HMCN2: variants seen among roughly 807,000 people sequenced by gnomAD.
HMCN2 encodes the protein hemicentin 2.
Under a neutral mutation model 377.5 loss-of-function variants are expected in HMCN2, and 325 were observed. The ratio of observed to expected loss-of-function variants is 0.86; its 90% CI spans 0.79 to 0.94. HMCN2 has a LOEUF of 0.94. Among genes scored for constraint, HMCN2 ranks in the 40% least tolerant of loss-of-function variants. HMCN2 has a pLI of 0.00. For missense variants in HMCN2, 4,543 were observed against 4,725.3 expected (o/e 0.96, Z 1.13); for synonymous variants, 2,007 against 2,046.8 (o/e 0.98, Z 0.53).
chr9:130,265,998 C>T lies in HMCN2; in HGVS notation c.120C>T (p.Ala40=), dbSNP rs1554918779. Residue 40 remains alanine, a synonymous_variant, in exon 1 of 98, where the codon GCC becomes GCT. Coordinates refer to ENST00000683500, the MANE Select transcript of HMCN2 (RefSeq NM_001291815.2). ...MPPTTGDATL[A]FVFDVTGSMW... is the part of the protein sequence containing the mutation. ...CCACCACGGGGGACGCCACCCTGGC[C>T]TTCGTCTTCGACGTCACCGGCTCCA... 1 of 470,202 alleles carries T rather than the reference C, an allele frequency of 2.1e-6. No individual in the cohort carries two copies. Among genetic ancestry groups the T allele is most frequent in the Non-Finnish European group, 4.4e-6 (1 of 226,748 alleles). 29.1% of individuals were successfully genotyped at this position (470,202 alleles called of 1,614,324 possible). A position where few individuals can be genotyped will look rare whatever the true frequency, so the allele number is the denominator to read the frequency against.
rs1038818962 is a variant in HMCN2, at chr9:130,428,803, G to A, written c.14197+314G>A. Among the ~76,000 whole-genome samples the A allele has an allele frequency of 2.6e-5, 4 of 152,192 alleles. No individual in the cohort carries two copies. Among genetic ancestry groups the A allele is most frequent in the African/African-American group, 9.7e-5 (4 of 41,440 alleles). On this transcript the variant is annotated intron_variant, in intron 93 of 97. Transcript: ENST00000683500. This position sits in a 1 kb window ranked among gnomAD's most constrained non-coding sequence, Gnocchi z 5.0. ...ACACATGCTCCCTCTGCTGCCATCCGTTCTGTTCCCCCATATGAATCAAGG... is the reference window on the plus strand; with the variant it reads ...ACACATGCTCCCTCTGCTGCCATCCATTCTGTTCCCCCATATGAATCAAGG...
intron 44 of HMCN2, 34 bp downstream of exon 44, chr9:130,368,471 G>A: frequency 1.0e-6 from 1 of 982,618 alleles, no homozygotes; most frequent in Non-Finnish European, 1.2e-6. Context: ...GAAGGGTCTG[G>A]GATCATGGAC....
chr9:130,425,715 G>T lies in HMCN2; in HGVS notation c.13670G>T (p.Gly4557Val). The T allele has an allele frequency of 6.5e-7, 1 of 1,545,912 alleles. No individual in the cohort carries two copies. The highest frequency in any genetic ancestry group is 8.7e-7 in the Non-Finnish European group (1 of 1,144,400). Residue 4557 changes from glycine (G) to valine (V), a missense_variant, in exon 90 of 98, where the codon GGG (glycine) becomes GTG (valine). Transcript: ENST00000683500. Reference sequence around the variant, plus strand: ...TTTGAGGAGCACTACGTGCAAACAGGGCCTGGCCAGCTGTTCGTGGGCTCC... The same window carrying T: ...TTTGAGGAGCACTACGTGCAAACAGTGCCTGGCCAGCTGTTCGTGGGCTCC... ...QDFEEHYVQT[G>V]PGQLFVGSTQ...
At chr9:130,389,776 T>C (rs1270558926) in intron 62 of HMCN2, among the ~76,000 whole-genome samples, 1 of 152,166 alleles carries the variant, frequency 6.6e-6, no homozygotes, top group Non-Finnish European at 1.5e-5. Context: ...GGTTCCACCA[T>C]GTTGGTCAGG....
In HMCN2 at chr9:130,265,762, A is replaced by T; in HGVS notation, c.-117A>T. The T allele has an allele frequency of 4.5e-6, 1 of 219,986 alleles. No homozygotes were observed. 13.6% of individuals were successfully genotyped at this position (219,986 alleles called of 1,614,324 possible). A position where few individuals can be genotyped will look rare whatever the true frequency, so the allele number is the denominator to read the frequency against. The stretch of plus-strand genomic sequence containing the variant: ...CGCCGCGCGCCCCTATCCCTCGCGC[A>T]CTGGCCGCGGCCCGACGGAGCAAGG... On this transcript the variant is annotated 5_prime_UTR_variant, in exon 1 of 98. Transcript: ENST00000683500.
intron 1 of HMCN2, among the ~76,000 whole-genome samples, chr9:130,283,697 G>T (rs138741013): frequency 2.0e-5 from 3 of 152,100 alleles, no homozygotes; most frequent in Non-Finnish European, 4.4e-5. Flanking sequence ...GCTGTTTTGC[G>T]TCTGGCTTCT....
At position 130,376,003 on chromosome 9, in the gene HMCN2, C is replaced by G. The variant is rs1328778898; in HGVS notation, c.7918+14C>G. ...TGGAAGTGCTCAGTGAGTCGGGGACCCTGGGGCACAGCCGGGTGGGCAGAA... is the reference window on the plus strand; with the variant it reads ...TGGAAGTGCTCAGTGAGTCGGGGACGCTGGGGCACAGCCGGGTGGGCAGAA... On this transcript the variant is annotated intron_variant, in intron 51 of 97. Coordinates refer to ENST00000683500, the MANE Select transcript of HMCN2 (RefSeq NM_001291815.2). 7 of 981,306 alleles carry G rather than the reference C, an allele frequency of 7.1e-6. No individual in the cohort carries two copies. The highest frequency in any genetic ancestry group is 3.5e-5 in the African/African-American group (2 of 57,242). The allele number at this position is 981,306 out of a possible 1,614,324, so 60.8% of individuals were successfully genotyped here.
At position 130,377,656 on chromosome 9, in the gene HMCN2, C is replaced by G. The variant is rs1841465533; in HGVS notation, c.8069C>G (p.Thr2690Ser). The change falls in exon 53 of 98, where the codon ACC (threonine) becomes AGC (serine). Residue 2690 changes from threonine (T) to serine (S), a missense_variant. Physicochemically the swap from Thr to Ser is moderately conservative, Grantham distance 58. This residue lies in a region of HMCN2 where 736 missense variants were observed against 773.2 expected (regional missense o/e 0.95). Coordinates refer to ENST00000683500, the MANE Select transcript of HMCN2 (RefSeq NM_001291815.2). ...IRWYKDGQPV[T>S]PSSRLQVLGE... is the part of the protein sequence containing the mutation. ...CCCTCATCCTCCTCACAGCCCGTGA[C>G]CCCCAGCTCGCGGCTGCAGGTCCTG... 11 of 985,954 alleles carry G rather than the reference C, an allele frequency of 1.1e-5. No homozygotes were observed. Among genetic ancestry groups the G allele is most frequent in the Non-Finnish European group, 1.3e-5 (11 of 829,966 alleles). The allele number at this position is 985,954 out of a possible 1,614,324, so 61.1% of individuals were successfully genotyped here. A position where few individuals can be genotyped will look rare whatever the true frequency, so the allele number is the denominator to read the frequency against.
rs139041730 is a variant in HMCN2 at position 130,360,167 on chromosome 9, G to T, written c.5774-261G>T. On this transcript the variant is annotated intron_variant, in intron 37 of 97. Coordinates refer to ENST00000683500, the MANE Select transcript of HMCN2 (RefSeq NM_001291815.2). This position sits in a 1 kb window ranked among gnomAD's most constrained non-coding sequence, Gnocchi z 4.7. ...GGCAACATTGCCCGGTTCCATCCCG[G>T]TTCCCTTTCCTGAATGAAGAACTCT... Among the ~76,000 whole-genome samples the T allele has an allele frequency of 0.014, 2,119 of 152,214 alleles. 47 individuals carry two copies. The highest frequency in any genetic ancestry group is 0.048 in the African/African-American group (2,000 of 41,510).
chr9:130,414,378 G>C lies in HMCN2; in HGVS notation c.12961+3726G>C, dbSNP rs1843579405. Among the ~76,000 whole-genome samples the C allele has an allele frequency of 6.6e-6, 1 of 152,156 alleles. No individual in the cohort carries two copies. Among genetic ancestry groups the C allele is most frequent in the Non-Finnish European group, 1.5e-5 (1 of 68,032 alleles). ...CCATGGAAGCCTCATAGGGAACCTG[G>C]GCTTCCACGCTGACCTGGCGGAAGT... On this transcript the variant is annotated intron_variant, in intron 85 of 97. Transcript: ENST00000683500. This position sits in a 1 kb window ranked among gnomAD's most constrained non-coding sequence, Gnocchi z 4.4.
In HMCN2 at chr9:130,295,185, C is replaced by T. The variant is rs764044814; in HGVS notation, c.784+159C>T. Among the ~76,000 whole-genome samples, 8 of 152,092 alleles carry T rather than the reference C, an allele frequency of 5.3e-5. No homozygotes were observed. The East Asian group carries it at 7.7e-4, about 15-fold the overall frequency. The stretch of plus-strand genomic sequence containing the variant: ...GGGGGGACACGAAGTGGAGAGAGGG[C>T]GCCCATGGTGTGCGAGGAAGCAGGA... On this transcript the variant is annotated intron_variant, in intron 5 of 97. Transcript: ENST00000683500.
chr9:130,402,979 G>A (rs1056536316), intron 78 of HMCN2, 83 bp downstream of exon 78: 3 of 1,120,930 alleles, frequency 2.7e-6, no homozygotes, highest in Non-Finnish European at 3.5e-6. Flanking sequence ...GCTCAGGATG[G>A]AGGTGAGGCC....
In HMCN2 at chr9:130,357,946, G is replaced by A; in HGVS notation, c.5538G>A (p.Trp1846Ter). Residue 1846 changes from tryptophan (W) to a stop codon, truncating the protein, a stop_gained, in exon 35 of 98, where the codon TGG becomes TGA. Transcript: ENST00000683500. LOFTEE classifies it high-confidence loss of function. ...TGCCCACCCCAAGCCTCCGTTGGTG[G>A]AAGGATGGTGTAGCCCTGGCAGCCT... The part of the protein sequence containing the change: ...DGVPTPSLRW[W>*]KDGVALAAFG... The A allele has an allele frequency of 7.7e-7, 1 of 1,304,198 alleles. No individual in the cohort carries two copies. Among genetic ancestry groups the A allele is most frequent in the Non-Finnish European group, 1.0e-6 (1 of 988,922 alleles). 80.8% of individuals were successfully genotyped at this position (1,304,198 alleles called of 1,614,324 possible).
chr9:130,331,830 C>A (rs1215253031), intron 22 of HMCN2, among the ~76,000 whole-genome samples: 1 of 152,176 alleles, frequency 6.6e-6, no homozygotes, highest in East Asian at 1.9e-4. Flanking sequence ...AGGCAGCCGG[C>A]CAGCATTCCA....
chr9:130,409,715 G>A (rs1588416860), intron 84 of HMCN2, among the ~76,000 whole-genome samples: 2 of 152,176 alleles, frequency 1.3e-5, no homozygotes, highest in Admixed American at 1.3e-4. Flanking sequence ...TTACAGAAGG[G>A]GTAACTGAGG....
chr9:130,334,226 A>T (rs1477466292), intron 22 of HMCN2, among the ~76,000 whole-genome samples: 1 of 152,142 alleles, frequency 6.6e-6, no homozygotes, highest in East Asian at 1.9e-4. Flanking sequence ...CCATGCAGGG[A>T]TGCAGGGGAG....
Position 130,360,582 on chromosome 9 carries a change from G to A in HMCN2, c.5928G>A (p.Leu1976=). ...CCAATGTGGCAGGTAGCACAGAGCT[G>A]CGGTATGGCCTACGGGTCAATGGTG... is the stretch of plus-strand genomic sequence containing the variant. The part of the protein sequence containing the change: ...VASNVAGSTE[L]RYGLRVNVPP... The change falls in exon 38 of 98, where the codon CTG becomes CTA. Residue 1976 remains leucine, a synonymous_variant. Coordinates refer to ENST00000683500, the MANE Select transcript of HMCN2 (RefSeq NM_001291815.2). The surrounding 1 kb of genome is among the most constrained non-coding windows in gnomAD (Gnocchi z 4.7). 1 of 1,303,008 alleles carries A rather than the reference G, an allele frequency of 7.7e-7. No homozygotes were observed. The highest frequency in any genetic ancestry group is 5.6e-5 in the East Asian group (1 of 18,002). 80.7% of individuals were successfully genotyped at this position (1,303,008 alleles called of 1,614,324 possible).
Position 130,430,599 on chromosome 9 carries a change from G to T in HMCN2, c.14642G>T (p.Cys4881Phe). ...GGTTTCATCAGGCAGAACGGAGTCT[G>T]CACAGGTAAGGCCAGGCCCTGACCA... Reference protein sequence around the residue: ...PPGFIRQNGVCTDLDECRVRN... With the variant: ...PPGFIRQNGVFTDLDECRVRN... Residue 4881 changes from cysteine (C) to phenylalanine (F), a missense_variant, in exon 95 of 98, where the codon TGC becomes TTC. Coordinates refer to ENST00000683500, the MANE Select transcript of HMCN2 (RefSeq NM_001291815.2). The T allele has an allele frequency of 6.5e-7, 1 of 1,548,864 alleles. No individual in the cohort carries two copies. The highest frequency in any genetic ancestry group is 1.2e-5 in the South Asian group (1 of 83,884).
At chr9:130,349,844 C>T (rs1839604013) in intron 29 of HMCN2, among the ~76,000 whole-genome samples, 181 bp downstream of exon 29, 1 of 151,846 alleles carries the variant, frequency 6.6e-6, no homozygotes, top group African/African-American at 2.4e-5. Flanking sequence ...GCCAGGGAGA[C>T]CCCACTCTTA....
Sources: allele counts gnomAD v4.1 joint callset (sites outside exome capture counted in the v4.1 genomes callset), GRCh38; gene constraint gnomAD v4.1.1; regional missense constraint gnomAD v4.1.1; non-coding constraint Gnocchi (gnomAD v3.1); transcripts MANE v1.5; gene names NCBI Gene and HGNC (gene_info 2026-07-23, HGNC 2026-07-21).